The following NAALADL2 variants were observed in gnomAD, a reference collection of about 807,000 sequenced individuals.
NAALADL2 encodes the protein N-acetylated alpha-linked acidic dipeptidase like 2.
In NAALADL2, 76 loss-of-function variants were observed where a neutral mutation model predicts 87.2. The ratio of observed to expected loss-of-function variants is 0.87; its 90% CI spans 0.72 to 1.05. NAALADL2 has a LOEUF of 1.05. NAALADL2 is among the 50% of genes least tolerant of loss of function. The probability of loss-of-function intolerance (pLI) is 0.00; values close to 1 mark genes in which losing one functional copy is unlikely to be tolerated. For missense variants in NAALADL2, 1,089 were observed against 945.8 expected (o/e 1.15, Z -1.99); for synonymous variants, 354 against 331.0 (o/e 1.07, Z -0.75).
intron 13 of NAALADL2, among the ~76,000 whole-genome samples, chr3:175,770,250 A>G (rs963035486): frequency 3.9e-5 from 6 of 152,268 alleles, no homozygotes; most frequent in African/African-American, 4.8e-5. Context: ...ATCTACAAAA[A>G]CTTGGTGATG....
At chr3:174,648,333 C>CAA (rs1181352119) in intron 2 of NAALADL2, among the ~76,000 whole-genome samples, 5 of 132,386 alleles carry the variant, frequency 3.8e-5, no homozygotes, top group African/African-American at 1.4e-4. Flanking sequence ...CAACAACCAC[C>CAA]AAAAAGAAAA....
chr3:174,526,769 C>CAG (rs1201720399), intron 1 of NAALADL2, among the ~76,000 whole-genome samples: 1 of 151,576 alleles, frequency 6.6e-6, no homozygotes, highest in Admixed American at 6.6e-5. Context: ...TCTGTCACCC[C>CAG]AGATTCAAGT....
intron 4 of NAALADL2, among the ~76,000 whole-genome samples, chr3:175,274,975 T>C (rs56372336): frequency 0.017 from 2,648 of 152,294 alleles, 84 homozygotes; most frequent in African/African-American, 0.061. Flanking sequence ...CACTCATGAA[T>C]TCTAAGAGGT....
chr3:175,466,971 A>AT lies in NAALADL2; in HGVS notation c.1328-4dup, dbSNP rs199907474. The AT allele has an allele frequency of 5.5e-4, 890 of 1,605,816 alleles. 5 individuals are homozygous for AT. In the African/African-American group the frequency reaches 6.6e-3, roughly 12 times the overall value. ...TTTTAAATGGCTCTTGTCCCTTTCT[A>AT]TTTTCAGACCGGTATATCATAGTTG... On this transcript the variant is annotated splice_polypyrimidine_tract_variant and splice_region_variant and intron_variant, in intron 7 of 13. Coordinates refer to ENST00000454872, the MANE Select transcript of NAALADL2 (RefSeq NM_207015.3).
chr3:175,419,823 A>G (rs577607597), intron 5 of NAALADL2, among the ~76,000 whole-genome samples: 5 of 152,116 alleles, frequency 3.3e-5, no homozygotes, highest in African/African-American at 1.2e-4. Flanking sequence ...ATGAGGTGGC[A>G]TTGCAGTATG....
chr3:175,650,243 T>C (rs373748372), intron 11 of NAALADL2, among the ~76,000 whole-genome samples: 3 of 152,242 alleles, frequency 2.0e-5, no homozygotes. Context: ...AATGATTGGA[T>C]TTGTATGAAG....
chr3:174,739,340 G>A (rs997377568), intron 3 of NAALADL2, among the ~76,000 whole-genome samples: 1 of 151,966 alleles, frequency 6.6e-6, no homozygotes, highest in Admixed American at 6.6e-5. Context: ...CTAATGTTTT[G>A]GCTCAGTTTA....
chr3:174,667,950 T>G (rs2108794355), intron 2 of NAALADL2, among the ~76,000 whole-genome samples: 1 of 152,270 alleles, frequency 6.6e-6, no homozygotes, highest in Admixed American at 6.5e-5. Context: ...TTTATTTTTT[T>G]TATGATAGCA....
At chr3:175,465,585 G>A (rs1039199052) in intron 7 of NAALADL2, among the ~76,000 whole-genome samples, 2 of 147,546 alleles carry the variant, frequency 1.4e-5, no homozygotes, top group Non-Finnish European at 3.0e-5. Flanking sequence ...GCAATTCCCT[G>A]CCTCAGCCTC....
chr3:175,160,360 CTTTTTTTTTTTTTT>C (rs71164618), intron 2 of NAALADL2, among the ~76,000 whole-genome samples: 3 of 57,044 alleles, frequency 5.3e-5, no homozygotes, highest in Non-Finnish European at 7.5e-5. Flanking sequence ...TCTTTTCTTT[CTTTTTTTTTTTTTT>C]TTTTTTTTTT....
chr3:174,493,139 T>G (rs1001785532), intron 1 of NAALADL2, among the ~76,000 whole-genome samples: 1 of 152,154 alleles, frequency 6.6e-6, no homozygotes, highest in Non-Finnish European at 1.5e-5. Context: ...AGGATAGGTG[T>G]TATGGGCTGG....
chr3:174,832,088 T>C (rs1722779033), intron 3 of NAALADL2, among the ~76,000 whole-genome samples: 1 of 152,060 alleles, frequency 6.6e-6, no homozygotes, highest in Non-Finnish European at 1.5e-5. Flanking sequence ...TTTTGAAGGG[T>C]TTTTTGTGTC....
At chr3:175,090,406 C>T (rs1463523) in intron 1 of NAALADL2, among the ~76,000 whole-genome samples, 39,280 of 151,558 alleles carry the variant, frequency 0.26, 5,263 homozygotes, top group Non-Finnish European at 0.3. Flanking sequence ...AATATAGGAA[C>T]TCAGGTGGGC....
intron 1 of NAALADL2, among the ~76,000 whole-genome samples, chr3:175,014,902 T>G: frequency 6.6e-6 from 1 of 152,212 alleles, no homozygotes; most frequent in South Asian, 2.1e-4. Context: ...TTCTCTTTCG[T>G]AAGGGGACTG....
intron 2 of NAALADL2, among the ~76,000 whole-genome samples, chr3:174,662,133 T>A (rs976415921): frequency 3.9e-5 from 6 of 152,114 alleles, no homozygotes; most frequent in East Asian, 1.9e-4. Flanking sequence ...TTAAAAAAAA[T>A]TATCTAAATC....
chr3:175,677,476 G>GA (rs560337060), intron 11 of NAALADL2, among the ~76,000 whole-genome samples: 1 of 128,166 alleles, frequency 7.8e-6, no homozygotes, highest in Non-Finnish European at 1.7e-5. Flanking sequence ...ATAGTATAAT[G>GA]GGGTGTGTGT....
At chr3:175,241,652 T>C (rs1746905480) in intron 3 of NAALADL2, among the ~76,000 whole-genome samples, 1 of 152,112 alleles carries the variant, frequency 6.6e-6, no homozygotes, top group Non-Finnish European at 1.5e-5. Flanking sequence ...TAACACAACA[T>C]ATTGTACATA....
chr3:175,568,260 C>T (rs1363473718), intron 9 of NAALADL2, among the ~76,000 whole-genome samples: 1 of 151,978 alleles, frequency 6.6e-6, no homozygotes, highest in Non-Finnish European at 1.5e-5. Flanking sequence ...TAGAAGACAT[C>T]TGCAATGCAT....
Position 175,324,170 on chromosome 3 carries a change from T to C in NAALADL2, c.940-5T>C, listed in dbSNP as rs1415828830. The stretch of plus-strand genomic sequence containing the variant: ...TATTTTTAATAGCTTGCTTCCCTCT[T>C]TTAGCTTTCCTCATTGGAAAAGGCT... On this transcript the variant is annotated splice_region_variant and splice_polypyrimidine_tract_variant and intron_variant, in intron 4 of 13. Transcript: ENST00000454872. 1 of 1,612,232 alleles carries C rather than the reference T, an allele frequency of 6.2e-7. No individual in the cohort carries two copies. The highest frequency in any genetic ancestry group is 1.1e-5 in the South Asian group (1 of 90,826).
Sources: allele counts gnomAD v4.1 joint callset (sites outside exome capture counted in the v4.1 genomes callset), GRCh38; gene constraint gnomAD v4.1.1; transcripts MANE v1.5; gene names NCBI Gene and HGNC (gene_info 2026-07-23, HGNC 2026-07-21).